The following VAX2 variants were observed in gnomAD, a reference collection of about 807,000 sequenced individuals.
The protein encoded by VAX2 is ventral anterior homeobox 2.
A neutral mutation model predicts 12.5 loss-of-function variants in VAX2; 8 were observed. The ratio of observed to expected loss-of-function variants is 0.64; its 90% CI spans 0.37 to 1.15. The LOEUF is 1.15. Among genes scored for constraint, VAX2 ranks in the 50% most tolerant of loss-of-function variants. The pLI is 0.01. For synonymous variants in VAX2, 183 were observed against 187.6 expected (o/e 0.98, Z 0.20); for missense variants, 476 against 412.9 (o/e 1.15, Z -1.32).
In VAX2 at chr2:70,904,375, C is replaced by T. The variant is rs1553410266; in HGVS notation, c.247+3507C>T. On this transcript the variant is annotated intron_variant, in intron 1 of 2. Transcript: ENST00000234392. The surrounding 1 kb of genome is among the most constrained non-coding windows in gnomAD (Gnocchi z 4.2). Reference sequence around the variant, plus strand: ...CAGAAGAGGTGGACAACTCTGACCGCAGACTCCCTACAACCCCGCGATCGA... The same window carrying T: ...CAGAAGAGGTGGACAACTCTGACCGTAGACTCCCTACAACCCCGCGATCGA... 6.6e-6 allele frequency among the ~76,000 whole-genome samples: 1 copy of T among 152,226 alleles called. No homozygotes were observed. The highest frequency in any genetic ancestry group is 2.4e-5 in the African/African-American group (1 of 41,468).
intron 1 of VAX2, among the ~76,000 whole-genome samples, chr2:70,919,088 G>C (rs1490962682): frequency 1.3e-5 from 2 of 150,886 alleles, no homozygotes; most frequent in Non-Finnish European, 2.9e-5. Flanking sequence ...TGTAGTCCCA[G>C]TTACTCGGGA....
At position 70,929,655 on chromosome 2, in the gene VAX2, C is replaced by T. The variant is rs936770159; in HGVS notation, c.436-3112C>T. Among the ~76,000 whole-genome samples the T allele has an allele frequency of 3.3e-5, 5 of 150,258 alleles. No individual in the cohort carries two copies. In the South Asian group the frequency reaches 1.1e-3, roughly 32 times the overall value. ...TGAGCCGAGATCATGCCACTGCACT[C>T]CAGCCTGGGCTACAGAGTGAGACTC... On this transcript the variant is annotated intron_variant, in intron 2 of 2. Coordinates refer to ENST00000234392, the MANE Select transcript of VAX2 (RefSeq NM_012476.3).
intron 2 of VAX2, among the ~76,000 whole-genome samples, chr2:70,929,868 T>C (rs1409935010): frequency 6.6e-6 from 1 of 152,212 alleles, no homozygotes; most frequent in Non-Finnish European, 1.5e-5. Flanking sequence ...GTGTTTGTTG[T>C]TCATCCTCTG....
intron 2 of VAX2, among the ~76,000 whole-genome samples, chr2:70,931,136 A>G (rs1393471963): frequency 1.3e-5 from 2 of 152,144 alleles, no homozygotes; most frequent in Non-Finnish European, 2.9e-5. Context: ...CCCCCAGGGG[A>G]CTGAGCCTCA....
chr2:70,903,558 T>C (rs1479493138), intron 1 of VAX2, among the ~76,000 whole-genome samples: 1 of 152,234 alleles, frequency 6.6e-6, no homozygotes, highest in Non-Finnish European at 1.5e-5. Flanking sequence ...AGTTTCTTTG[T>C]TTCTCTTTGC....
intron 2 of VAX2, among the ~76,000 whole-genome samples, chr2:70,927,522 C>T (rs533258041): frequency 6.6e-6 from 1 of 150,590 alleles, no homozygotes; most frequent in Admixed American, 6.7e-5. Flanking sequence ...ATCCTAGATA[C>T]ACAGATACCA....
At chr2:70,918,099 C>T (rs1406833479) in intron 1 of VAX2, among the ~76,000 whole-genome samples, 1 of 152,164 alleles carries the variant, frequency 6.6e-6, no homozygotes, top group Non-Finnish European at 1.5e-5. Context: ...CTTGAGTTGT[C>T]CTAAGAGGCC....
intron 1 of VAX2, among the ~76,000 whole-genome samples, chr2:70,919,700 A>C (rs2104774959): frequency 6.6e-6 from 1 of 152,156 alleles, no homozygotes; most frequent in South Asian, 2.1e-4. Flanking sequence ...AAAAATACAA[A>C]AATTAGCAGG....
chr2:70,930,694 C>T (rs782011535), intron 2 of VAX2, among the ~76,000 whole-genome samples: 15 of 152,240 alleles, frequency 9.9e-5, no homozygotes, highest in Non-Finnish European at 1.9e-4. Context: ...TCTGTCTTGG[C>T]TCTGCCTGTC....
intron 2 of VAX2, among the ~76,000 whole-genome samples, chr2:70,927,013 G>A (rs1476890390): frequency 6.6e-6 from 1 of 152,148 alleles, no homozygotes; most frequent in Non-Finnish European, 1.5e-5. Flanking sequence ...CCACTATATT[G>A]TTTGCTACTT....
rs145143976 is a variant in VAX2, at chr2:70,904,265, C to T, written c.247+3397C>T. On this transcript the variant is annotated intron_variant, in intron 1 of 2. Coordinates refer to ENST00000234392, the MANE Select transcript of VAX2 (RefSeq NM_012476.3). This position sits in a 1 kb window ranked among gnomAD's most constrained non-coding sequence, Gnocchi z 4.2. ...GGCAGGCAGGAAGCAACCAAAGGAA[C>T]AACAGGCCGCCTGAGCCGTGGCTCA... Among the ~76,000 whole-genome samples the T allele has an allele frequency of 1.5e-4, 23 of 152,294 alleles. No individual in the cohort carries two copies. Among genetic ancestry groups the T allele is most frequent in the African/African-American group, 5.3e-4 (22 of 41,578 alleles).
At position 70,932,782 on chromosome 2, in the gene VAX2, CAGAACCGCCGCACCA is replaced by C; in HGVS notation, c.454_468del (p.Asn152_Lys156del). Reference sequence around the variant, plus strand: ...CCACCCCAAGGTGAAGGTCTGGTTCCAGAACCGCCGCACCAAGCAGAAGAAAGACCAGAGCAGAGA... The same window carrying C: ...CCACCCCAAGGTGAAGGTCTGGTTCCAGCAGAAGAAAGACCAGAGCAGAGA... On this transcript the variant is annotated inframe_deletion, in exon 3 of 3. Coordinates refer to ENST00000234392, the MANE Select transcript of VAX2 (RefSeq NM_012476.3). The C allele has an allele frequency of 6.4e-7, 1 of 1,573,408 alleles. No homozygotes were observed. The highest frequency in any genetic ancestry group is 8.6e-7 in the Non-Finnish European group (1 of 1,158,108).
At chr2:70,928,501 TCTC>T (rs1473941268) in intron 2 of VAX2, among the ~76,000 whole-genome samples, 7 of 151,788 alleles carry the variant, frequency 4.6e-5, no homozygotes, top group Admixed American at 2.6e-4. Context: ...GCCTCTGACT[TCTC>T]CTCTCCTAGG....
chr2:70,900,853 C>A lies in VAX2; in HGVS notation c.232C>A (p.Arg78Ser). Residue 78 changes from arginine to serine, a missense_variant, in exon 1 of 3, where the codon CGC becomes AGC. Coordinates refer to ENST00000234392, the MANE Select transcript of VAX2 (RefSeq NM_012476.3). ...PGPGEADHCR[R>S]ILVRDAKGTI... ...GCCCGGCGAGGCAGACCACTGCCGC[C>A]GCATACTGGTGCGAGGTAAGGGGAC... 1 of 1,433,036 alleles carries A rather than the reference C, an allele frequency of 7.0e-7. No homozygotes were observed. 88.8% of individuals were successfully genotyped at this position (1,433,036 alleles called of 1,614,324 possible).
chr2:70,930,430 T>C (rs1553414158), intron 2 of VAX2, among the ~76,000 whole-genome samples: 1 of 152,156 alleles, frequency 6.6e-6, no homozygotes, highest in Non-Finnish European at 1.5e-5. Flanking sequence ...GCCCACTCTT[T>C]ACCTCCTCCC....
intron 1 of VAX2, among the ~76,000 whole-genome samples, chr2:70,902,182 TG>T (rs1163483867): frequency 2.0e-5 from 3 of 152,174 alleles, no homozygotes; most frequent in African/African-American, 7.2e-5. Flanking sequence ...TGGGTGGCAC[TG>T]GGGACTGGAG....
intron 1 of VAX2, among the ~76,000 whole-genome samples, chr2:70,909,295 A>G (rs551734392): frequency 2.0e-5 from 3 of 152,110 alleles, no homozygotes; most frequent in African/African-American, 4.8e-5. Context: ...CCTCTGGAGT[A>G]ACTGAGACTA....
At chr2:70,916,351 T>C (rs1272331240) in intron 1 of VAX2, among the ~76,000 whole-genome samples, 1 of 152,264 alleles carries the variant, frequency 6.6e-6, no homozygotes, top group Non-Finnish European at 1.5e-5. Context: ...TATAATTAAC[T>C]AGACTACAGA....
chr2:70,918,813 G>A (rs1558658506), intron 1 of VAX2, among the ~76,000 whole-genome samples: 1 of 113,466 alleles, frequency 8.8e-6, no homozygotes, highest in African/African-American at 3.5e-5. Context: ...GGAGAATGGT[G>A]TGAACCCTGG....
Sources: gnomAD v4.1 joint callset for allele counts (sites outside exome capture counted in the v4.1 genomes callset) on GRCh38, gnomAD v4.1.1 for gene constraint, Gnocchi (gnomAD v3.1) non-coding constraint, MANE v1.5 for transcripts, NCBI Gene and HGNC (gene_info 2026-07-23, HGNC 2026-07-21) for gene names.